Variants in RABGAP1L observed in about 807,000 individuals in gnomAD.
RABGAP1L encodes the protein rab GTPase-activating protein 1-like.
In RABGAP1L, 63 loss-of-function variants were observed where a neutral mutation model predicts 137.7. That is an observed-to-expected ratio of 0.46 (90% CI 0.37 to 0.56). RABGAP1L has a LOEUF of 0.56. Among genes scored for constraint, RABGAP1L ranks in the 20% least tolerant of loss-of-function variants. The probability of loss-of-function intolerance (pLI) is 0.00; values close to 1 mark genes in which losing one functional copy is unlikely to be tolerated. For synonymous variants in RABGAP1L, 431 were observed against 433.7 expected (o/e 0.99, Z 0.08); for missense variants, 1,095 against 1,244.0 (o/e 0.88, Z 1.80).
intron 19 of RABGAP1L, among the ~76,000 whole-genome samples, chr1:174,953,948 T>C (rs1275283345): frequency 1.3e-5 from 2 of 152,180 alleles, no homozygotes; most frequent in African/African-American, 2.4e-5. Context: ...TGTTTACTTA[T>C]GTTGACCAGG....
chr1:174,238,528 T>C (rs1227027126), intron 4 of RABGAP1L, among the ~76,000 whole-genome samples: 1 of 152,012 alleles, frequency 6.6e-6, no homozygotes, highest in Non-Finnish European at 1.5e-5. Flanking sequence ...TACCCTGCAG[T>C]GTGAGGTGTC....
chr1:174,964,078 A>C (rs1669403876), intron 20 of RABGAP1L, among the ~76,000 whole-genome samples: 1 of 152,210 alleles, frequency 6.6e-6, no homozygotes, highest in Non-Finnish European at 1.5e-5. Context: ...TTTCTTTCTC[A>C]GATCTTCATT....
intron 11 of RABGAP1L, among the ~76,000 whole-genome samples, chr1:174,343,169 C>CACAGTAT (rs1166517778): frequency 1.2e-4 from 18 of 152,174 alleles, no homozygotes; most frequent in Admixed American, 1.2e-3. Context: ...TCTTTAATTG[C>CACAGTAT]ACAGTATTCT....
chr1:174,571,234 TAG>T (rs1425524203), intron 13 of RABGAP1L, among the ~76,000 whole-genome samples: 7 of 151,870 alleles, frequency 4.6e-5, no homozygotes, highest in Admixed American at 2.6e-4. Flanking sequence ...ATTGAACTCA[TAG>T]AGAGAGAATA....
At chr1:174,836,184 T>TC (rs1480261999) in intron 19 of RABGAP1L, among the ~76,000 whole-genome samples, 1 of 152,228 alleles carries the variant, frequency 6.6e-6, no homozygotes, top group Non-Finnish European at 1.5e-5. Flanking sequence ...CTCTTTTTTT[T>TC]CAACATGTAT....
intron 11 of RABGAP1L, among the ~76,000 whole-genome samples, chr1:174,330,202 G>T (rs1284731370): frequency 6.6e-6 from 1 of 152,088 alleles, no homozygotes. Context: ...ATTCAGTAAA[G>T]TTGCAGAATA....
At chr1:174,643,673 C>T (rs140216502) in intron 14 of RABGAP1L, among the ~76,000 whole-genome samples, 5 of 152,162 alleles carry the variant, frequency 3.3e-5, no homozygotes, top group East Asian at 1.9e-4. Context: ...CCCACAGTTA[C>T]TCCATTAGAA....
intron 17 of RABGAP1L, among the ~76,000 whole-genome samples, chr1:174,720,290 T>TAGATAGATAGATAGACAGACAGACAGAC: frequency 7.1e-6 from 1 of 141,738 alleles, no homozygotes; most frequent in East Asian, 2.1e-4. Flanking sequence ...GATAGATAGA[T>TAGATAGATAGATAGACAGACAGACAGAC]AGACAGACAG....
chr1:174,722,653 G>C (rs967556450), intron 17 of RABGAP1L, among the ~76,000 whole-genome samples: 4 of 152,030 alleles, frequency 2.6e-5, no homozygotes, highest in African/African-American at 4.8e-5. Context: ...GTTTCATCAT[G>C]TTGTCCAGGC....
intron 19 of RABGAP1L, among the ~76,000 whole-genome samples, chr1:174,936,965 A>C (rs1415560847): frequency 1.4e-5 from 2 of 144,068 alleles, no homozygotes; most frequent in East Asian, 3.9e-4. Context: ...AATTTTTATA[A>C]GATTAATTTT....
chr1:174,401,649 A>G (rs1383956757), intron 13 of RABGAP1L, among the ~76,000 whole-genome samples: 1 of 152,196 alleles, frequency 6.6e-6, no homozygotes, highest in African/African-American at 2.4e-5. Flanking sequence ...ATTATTTATC[A>G]AACAGTATCT....
chr1:174,880,607 T>G (rs939541768), intron 19 of RABGAP1L, among the ~76,000 whole-genome samples: 3 of 151,780 alleles, frequency 2.0e-5, no homozygotes, highest in African/African-American at 7.3e-5. Context: ...CTTCCTTTTT[T>G]GAGACAAGGT....
intron 15 of RABGAP1L, among the ~76,000 whole-genome samples, chr1:174,692,836 T>C (rs1201967333): frequency 6.6e-6 from 1 of 152,176 alleles, no homozygotes; most frequent in Non-Finnish European, 1.5e-5. Context: ...TATATTTCAC[T>C]TAATACTTGT....
At chr1:174,634,521 A>G (rs1181570495) in intron 13 of RABGAP1L, among the ~76,000 whole-genome samples, 2 of 145,582 alleles carry the variant, frequency 1.4e-5, no homozygotes, top group Admixed American at 6.9e-5. Context: ...TGACCCAGCC[A>G]TCCCTTACTG....
At chr1:174,783,270 C>T (rs938180009) in intron 18 of RABGAP1L, among the ~76,000 whole-genome samples, 1 of 152,182 alleles carries the variant, frequency 6.6e-6, no homozygotes. Context: ...CTGGGTTCAA[C>T]GGTTCTATTC....
At chr1:174,512,934 T>C in intron 13 of RABGAP1L, among the ~76,000 whole-genome samples, 1 of 152,246 alleles carries the variant, frequency 6.6e-6, no homozygotes, top group East Asian at 1.9e-4. Context: ...ACAAATTTTC[T>C]AGCTCTTGCT....
intron 17 of RABGAP1L, among the ~76,000 whole-genome samples, chr1:174,738,595 G>T (rs1479433510): frequency 1.3e-5 from 2 of 152,090 alleles, no homozygotes; most frequent in African/African-American, 4.8e-5. Flanking sequence ...AATCTCTTTT[G>T]TTATTCTTAA....
intron 17 of RABGAP1L, among the ~76,000 whole-genome samples, chr1:174,703,981 C>T (rs544510212): frequency 2.0e-5 from 3 of 151,962 alleles, no homozygotes; most frequent in Admixed American, 6.6e-5. Flanking sequence ...TCTTTCTTTT[C>T]GTTTCCTTTT....
chr1:174,379,401 G>C (rs1284400876), intron 12 of RABGAP1L, among the ~76,000 whole-genome samples: 1 of 148,792 alleles, frequency 6.7e-6, no homozygotes, highest in East Asian at 2.0e-4. Flanking sequence ...TCACGATATT[G>C]ATTCTTCCTA....
Sources: allele counts gnomAD v4.1 joint callset (sites outside exome capture counted in the v4.1 genomes callset), GRCh38; gene constraint gnomAD v4.1.1; transcripts MANE v1.5; gene names NCBI Gene and HGNC (gene_info 2026-07-23, HGNC 2026-07-21).